The following ADAMTSL1 variants were observed in gnomAD, a reference collection of about 807,000 sequenced individuals.
The protein encoded by ADAMTSL1 is ADAMTS-like protein 1.
ADAMTSL1 carries 126 observed loss-of-function variants against 201.8 expected under a neutral mutation model. The observed-to-expected ratio is 0.62, with a 90% confidence interval of 0.54 to 0.72. The LOEUF is 0.72. ADAMTSL1 is among the 30% of genes least tolerant of loss of function. ADAMTSL1 has a pLI of 0.00. For synonymous variants in ADAMTSL1, 1,121 were observed against 903.4 expected, an observed-to-expected ratio of 1.24 and a Z score of -4.32; for missense variants, 2,679 against 2,277.8, an observed-to-expected ratio of 1.18 and a Z score of -3.59.
Position 18,586,416 on chromosome 9 carries a change from A to C in ADAMTSL1, c.474+12150A>C, listed in dbSNP as rs138650041. On this transcript the variant is annotated intron_variant, in intron 4 of 28. Transcript: ENST00000380548. The stretch of plus-strand genomic sequence containing the variant: ...GTGAGAACTTTCTACAATAATAATT[A>C]CAAACCATTGCTCAAAAAAATCAGA... 8.1e-3 allele frequency among the ~76,000 whole-genome samples: 1,232 copies of C among 152,288 alleles called. 16 individuals carry two copies. Among genetic ancestry groups the C allele is most frequent in the African/African-American group, 0.029 (1,186 of 41,560 alleles).
At chr9:18,840,592 T>C (rs2131315694) in intron 23 of ADAMTSL1, among the ~76,000 whole-genome samples, 1 of 152,362 alleles carries the variant, frequency 6.6e-6, no homozygotes, top group Middle Eastern at 3.4e-3. Context: ...GGTAGCTTGA[T>C]GGGGATGGCA....
At chr9:18,730,321 G>A (rs369655716) in intron 15 of ADAMTSL1, among the ~76,000 whole-genome samples, 2 of 152,346 alleles carry the variant, frequency 1.3e-5, no homozygotes, top group African/African-American at 4.8e-5. Flanking sequence ...GAGAAAAAGA[G>A]ATGTTTAAGT....
intron 2 of ADAMTSL1, among the ~76,000 whole-genome samples, chr9:18,422,870 C>G (rs528616500): frequency 6.6e-6 from 1 of 152,208 alleles, no homozygotes; most frequent in Non-Finnish European, 1.5e-5. Flanking sequence ...GACTTTATCA[C>G]TTGAGGGCAA....
At chr9:18,367,232 G>A (rs191502302) in intron 2 of ADAMTSL1, among the ~76,000 whole-genome samples, 12 of 152,098 alleles carry the variant, frequency 7.9e-5, no homozygotes, top group South Asian at 2.1e-4. Context: ...GTAAATATAA[G>A]GTTTTATTTA....
chr9:18,583,193 G>A (rs1412084486), intron 4 of ADAMTSL1, among the ~76,000 whole-genome samples: 1 of 152,224 alleles, frequency 6.6e-6, no homozygotes, highest in Non-Finnish European at 1.5e-5. Context: ...GGAAAAAGTG[G>A]TTTCGTGGGC....
chr9:18,847,073 C>T (rs146249425), intron 23 of ADAMTSL1, among the ~76,000 whole-genome samples: 101 of 152,326 alleles, frequency 6.6e-4, no homozygotes, highest in African/African-American at 2.4e-3. Context: ...TTAACATCTA[C>T]CTGCTCAGGC....
chr9:18,683,221 G>GTT (rs756275672), intron 12 of ADAMTSL1, among the ~76,000 whole-genome samples: 1 of 51,066 alleles, frequency 2.0e-5, no homozygotes, highest in Admixed American at 2.9e-4. Context: ...ATTTACTGAG[G>GTT]TTTTTTTTGT....
At chr9:18,881,030 G>A (rs534956418) in intron 23 of ADAMTSL1, among the ~76,000 whole-genome samples, 7 of 152,120 alleles carry the variant, frequency 4.6e-5, no homozygotes, top group South Asian at 2.1e-4. Flanking sequence ...GCTTCCTCAC[G>A]TCTCTCAGCC....
chr9:18,328,482 C>T (rs903235696), intron 2 of ADAMTSL1, among the ~76,000 whole-genome samples: 1 of 152,156 alleles, frequency 6.6e-6, no homozygotes, highest in Non-Finnish European at 1.5e-5. Context: ...TCACTTAGCC[C>T]TCCTAATAAC....
At chr9:18,150,577 G>T (rs1826865247) in intron 1 of ADAMTSL1, among the ~76,000 whole-genome samples, 1 of 151,964 alleles carries the variant, frequency 6.6e-6, no homozygotes, top group African/African-American at 2.4e-5. Flanking sequence ...GAAAACCTTT[G>T]GCTAGTAGGA....
intron 2 of ADAMTSL1, among the ~76,000 whole-genome samples, chr9:18,358,781 A>T (rs1836370088): frequency 6.6e-6 from 1 of 152,142 alleles, no homozygotes; most frequent in Non-Finnish European, 1.5e-5. Flanking sequence ...ATTGTTTGAT[A>T]GACATTTGGA....
chr9:18,570,025 A>G (rs1274848038), intron 3 of ADAMTSL1, among the ~76,000 whole-genome samples: 1 of 152,280 alleles, frequency 6.6e-6, no homozygotes, highest in Admixed American at 6.5e-5. Flanking sequence ...AAAGATGGTA[A>G]GTATTTTTCA....
intron 4 of ADAMTSL1, among the ~76,000 whole-genome samples, chr9:18,619,528 C>G (rs968648274): frequency 6.6e-6 from 1 of 152,150 alleles, no homozygotes; most frequent in African/African-American, 2.4e-5. Flanking sequence ...ACACTGATAG[C>G]ACTAAGTCAG....
At chr9:18,118,206 T>C (rs1452963659) in intron 1 of ADAMTSL1, among the ~76,000 whole-genome samples, 1 of 152,198 alleles carries the variant, frequency 6.6e-6, no homozygotes, top group Non-Finnish European at 1.5e-5. Flanking sequence ...TATTCAGAAA[T>C]GGAAAGACGG....
In ADAMTSL1 at chr9:18,832,500, G is replaced by A. The variant is rs185689331; in HGVS notation, c.4249+2523G>A. On this transcript the variant is annotated intron_variant, in intron 23 of 28. Coordinates refer to ENST00000380548, the MANE Select transcript of ADAMTSL1 (RefSeq NM_001040272.6). ...GAATGACATACTAAAAGTAATGTAT[G>A]AGAAGAATTAATCTGGTATTCTGTA... Among the ~76,000 whole-genome samples, 896 of 152,340 alleles carry A rather than the reference G, an allele frequency of 5.9e-3. 9 individuals carry two copies. Among genetic ancestry groups the A allele is most frequent in the African/African-American group, 0.02 (832 of 41,582 alleles).
At chr9:18,163,341 A>G (rs1827483840) in intron 1 of ADAMTSL1, among the ~76,000 whole-genome samples, 1 of 152,056 alleles carries the variant, frequency 6.6e-6, no homozygotes, top group Non-Finnish European at 1.5e-5. Flanking sequence ...AAAGTTCTCC[A>G]ATACCTCCTT....
chr9:17,985,916 C>A (rs549390146), intron 1 of ADAMTSL1, among the ~76,000 whole-genome samples: 28 of 152,060 alleles, frequency 1.8e-4, no homozygotes, highest in Non-Finnish European at 1.5e-5. Flanking sequence ...TATGACAAGC[C>A]AGAATCCTGG....
intron 1 of ADAMTSL1, among the ~76,000 whole-genome samples, chr9:18,153,592 T>A (rs1827016396): frequency 6.6e-6 from 1 of 151,970 alleles, no homozygotes; most frequent in African/African-American, 2.4e-5. Flanking sequence ...CAGGGAAGAA[T>A]GGGTGAGGAC....
chr9:18,681,745 T>C lies in ADAMTSL1; in HGVS notation c.1342-67T>C, dbSNP rs570694198. 512 of 1,222,516 alleles carry C rather than the reference T, an allele frequency of 4.2e-4. 12 individuals carry two copies. In the South Asian group the frequency reaches 9.5e-3, roughly 23 times the overall value. The allele number at this position is 1,222,516 out of a possible 1,614,324, so 75.7% of individuals were successfully genotyped here. On this transcript the variant is annotated intron_variant, in intron 11 of 28. Coordinates refer to ENST00000380548, the MANE Select transcript of ADAMTSL1 (RefSeq NM_001040272.6). ...GAAAACTTAGATTAAAAGTTTTCGA[T>C]GGGAAGTGAAGAAAAGTAAACAAGG...
Sources: allele counts gnomAD v4.1 joint callset (sites outside exome capture counted in the v4.1 genomes callset), GRCh38; gene constraint gnomAD v4.1.1; transcripts MANE v1.5; gene names NCBI Gene and HGNC (gene_info 2026-07-23, HGNC 2026-07-21).